Variants in ARID1B observed in about 807,000 individuals in gnomAD.
ARID1B encodes AT-rich interaction domain 1B, also known as AT-rich interactive domain-containing protein 1B.
In ARID1B, 30 loss-of-function variants were observed where a neutral mutation model predicts 212.3. The ratio of observed to expected loss-of-function variants is 0.14; its 90% CI spans 0.11 to 0.19. The LOEUF (loss-of-function observed/expected upper bound fraction) is 0.19, where lower values mean the gene tolerates loss of function less well. Among genes scored for constraint, ARID1B ranks in the 10% least tolerant of loss-of-function variants. The pLI is 1.00. For synonymous variants in ARID1B, 1,402 were observed against 1,301.7 expected (o/e 1.08, Z -1.66); for missense variants, 2,891 against 3,204.0 (o/e 0.90, Z 2.36).
chr6:157,013,373 T>C (rs925166977), intron 4 of ARID1B, among the ~76,000 whole-genome samples: 2 of 152,218 alleles, frequency 1.3e-5, no homozygotes, highest in Admixed American at 1.3e-4. Flanking sequence ...CCTATGGACT[T>C]AGTACCATTC....
intron 4 of ARID1B, among the ~76,000 whole-genome samples, chr6:157,012,811 G>A (rs1353990860): frequency 2.0e-5 from 3 of 152,154 alleles, no homozygotes; most frequent in South Asian, 4.1e-4. Flanking sequence ...ACAAATGTGC[G>A]CAAATAATAG....
chr6:156,897,667 AAT>A (rs372208142), intron 2 of ARID1B, among the ~76,000 whole-genome samples: 2 of 150,690 alleles, frequency 1.3e-5, no homozygotes, highest in Admixed American at 6.6e-5. Context: ...GGTTTTAAAA[AAT>A]ATATATATAT....
chr6:156,950,697 GT>G (rs1793518290), intron 4 of ARID1B, among the ~76,000 whole-genome samples: 1 of 152,144 alleles, frequency 6.6e-6, no homozygotes, highest in African/African-American at 2.4e-5. Flanking sequence ...ATAAGATCTA[GT>G]GGTAACTGCT....
At chr6:157,121,603 T>G (rs1047664423) in intron 6 of ARID1B, among the ~76,000 whole-genome samples, 1 of 151,424 alleles carries the variant, frequency 6.6e-6, no homozygotes, top group African/African-American at 2.4e-5. Context: ...GATTATCTCT[T>G]TTACAAATAA....
chr6:156,863,700 GTGGA>G (rs140843558), intron 2 of ARID1B, among the ~76,000 whole-genome samples: 183 of 152,304 alleles, frequency 1.2e-3, no homozygotes, highest in African/African-American at 4.3e-3. Flanking sequence ...GAAATAGGAA[GTGGA>G]ACCCAGGTTA....
intron 4 of ARID1B, among the ~76,000 whole-genome samples, chr6:157,037,185 T>C (rs1781388239): frequency 2.0e-5 from 3 of 152,236 alleles, no homozygotes. Flanking sequence ...AGTTTGGGGC[T>C]ACTGAAATGT....
At chr6:157,063,559 A>G (rs879585785) in intron 4 of ARID1B, among the ~76,000 whole-genome samples, 3 of 152,196 alleles carry the variant, frequency 2.0e-5, no homozygotes, top group Non-Finnish European at 4.4e-5. Context: ...CTATTATACC[A>G]TAAGAATTGA....
intron 6 of ARID1B, among the ~76,000 whole-genome samples, chr6:157,117,419 T>A (rs927913243): frequency 6.6e-6 from 1 of 152,242 alleles, no homozygotes; most frequent in African/African-American, 2.4e-5. Context: ...CTGAGTAGAA[T>A]TCCTTATCAG....
At chr6:156,988,736 C>A (rs1239508354) in intron 4 of ARID1B, among the ~76,000 whole-genome samples, 1 of 152,146 alleles carries the variant, frequency 6.6e-6, no homozygotes, top group Non-Finnish European at 1.5e-5. Flanking sequence ...TCAATCACTT[C>A]CGACACACTT....
At chr6:157,000,931 G>A (rs544031202) in intron 4 of ARID1B, among the ~76,000 whole-genome samples, 1 of 152,094 alleles carries the variant, frequency 6.6e-6, no homozygotes, top group African/African-American at 2.4e-5. Context: ...CTGACCTCAA[G>A]TGATCCATCT....
At chr6:156,947,380 G>A (rs1367349220) in intron 4 of ARID1B, among the ~76,000 whole-genome samples, 1 of 151,962 alleles carries the variant, frequency 6.6e-6, no homozygotes, top group African/African-American at 2.4e-5. Flanking sequence ...AACTTTTTGG[G>A]GATATAGGTA....
chr6:156,841,347 G>A (rs533941590), intron 2 of ARID1B, among the ~76,000 whole-genome samples: 50 of 152,246 alleles, frequency 3.3e-4, no homozygotes, highest in Admixed American at 2.9e-3. Flanking sequence ...GTTGCACCTC[G>A]GAGTAGAGGA....
intron 3 of ARID1B, among the ~76,000 whole-genome samples, chr6:156,929,457 C>A (rs1028246681): frequency 9.9e-5 from 15 of 152,150 alleles, no homozygotes; most frequent in African/African-American, 2.9e-4. Flanking sequence ...AGCCACCTCT[C>A]CCCCACCCTC....
intron 4 of ARID1B, among the ~76,000 whole-genome samples, chr6:156,970,086 G>GT (rs1254167952): frequency 6.9e-6 from 1 of 144,092 alleles, no homozygotes; most frequent in African/African-American, 2.5e-5. Flanking sequence ...GTTTTGTTTT[G>GT]TTTTGTTTTT....
At chr6:157,131,553 A>G (rs1010701469) in intron 6 of ARID1B, among the ~76,000 whole-genome samples, 2 of 152,166 alleles carry the variant, frequency 1.3e-5, no homozygotes, top group Non-Finnish European at 2.9e-5. Context: ...TGGGACCTGC[A>G]GTGCAGTGGA....
At chr6:156,871,469 G>A in intron 2 of ARID1B, 1 of 680,468 alleles carries the variant, frequency 1.5e-6, no homozygotes, top group Non-Finnish European at 2.6e-6. Flanking sequence ...GGTGGAGAAG[G>A]CCTGATACAG....
chr6:156,838,800 C>A (rs1159423602), intron 2 of ARID1B, among the ~76,000 whole-genome samples: 2 of 151,796 alleles, frequency 1.3e-5, no homozygotes, highest in Non-Finnish European at 2.9e-5. Flanking sequence ...ATCATTGTTT[C>A]CAAAGAGAAC....
chr6:156,961,678 C>T (rs1794386506), intron 4 of ARID1B, among the ~76,000 whole-genome samples: 1 of 152,110 alleles, frequency 6.6e-6, no homozygotes, highest in African/African-American at 2.4e-5. Context: ...CTGCGCTTAC[C>T]ACCTGTTGAA....
At chr6:156,877,139 AAG>A (rs1786629557) in intron 2 of ARID1B, among the ~76,000 whole-genome samples, 1 of 152,212 alleles carries the variant, frequency 6.6e-6, no homozygotes, top group African/African-American at 2.4e-5. Flanking sequence ...TTCTTTCACA[AAG>A]AGCTTTCACA....
Sources: allele counts gnomAD v4.1 joint callset (sites outside exome capture counted in the v4.1 genomes callset), GRCh38; gene constraint gnomAD v4.1.1; transcripts MANE v1.5; gene names NCBI Gene and HGNC (gene_info 2026-07-23, HGNC 2026-07-21).